The following SMAP1 variants were observed in gnomAD, a reference collection of about 807,000 sequenced individuals.
SMAP1 encodes small ArfGAP 1.
In SMAP1, 24 loss-of-function variants were observed where a neutral mutation model predicts 58.5. The observed-to-expected ratio is 0.41, with a 90% CI of 0.30 to 0.58. The LOEUF (loss-of-function observed/expected upper bound fraction) is 0.58, where lower values mean the gene tolerates loss of function less well. Ranked by LOEUF, SMAP1 falls within the 20% of genes least tolerant of loss-of-function variation. The pLI, the probability that SMAP1 is intolerant of heterozygous loss-of-function variation, is 0.29. For synonymous variants in SMAP1, 216 were observed against 196.6 expected, an observed-to-expected ratio of 1.10 and a Z score of -0.82; for missense variants, 563 against 566.3, an observed-to-expected ratio of 0.99 and a Z score of 0.06.
At chr6:70,692,692 T>C (rs1444380792) in intron 1 of SMAP1, among the ~76,000 whole-genome samples, 1 of 152,234 alleles carries the variant, frequency 6.6e-6, no homozygotes, top group Admixed American at 6.5e-5. Context: ...ACCCAATGTA[T>C]GTTCTGGGCC....
intron 3 of SMAP1, among the ~76,000 whole-genome samples, chr6:70,764,190 A>G (rs1242251585): frequency 1.3e-5 from 2 of 152,020 alleles, no homozygotes; most frequent in African/African-American, 4.8e-5. Context: ...AGAATTACAC[A>G]TATGAGCCAC....
intron 4 of SMAP1, among the ~76,000 whole-genome samples, chr6:70,788,438 C>G (rs1383040812): frequency 6.6e-6 from 1 of 151,706 alleles, no homozygotes; most frequent in African/African-American, 2.4e-5. Context: ...TACCCTACAA[C>G]TTAAAGTGTA....
chr6:70,719,924 A>T (rs1308759625), intron 1 of SMAP1, among the ~76,000 whole-genome samples: 1 of 152,100 alleles, frequency 6.6e-6, no homozygotes, highest in Admixed American at 6.6e-5. Flanking sequence ...ATGCAGCCAA[A>T]CCATATCATT....
At chr6:70,738,636 C>G (rs1255719795) in intron 2 of SMAP1, among the ~76,000 whole-genome samples, 1 of 152,080 alleles carries the variant, frequency 6.6e-6, no homozygotes, top group Non-Finnish European at 1.5e-5. Context: ...TTATGGAAGG[C>G]AAAATCAGGG....
At chr6:70,704,585 A>G (rs549738296) in intron 1 of SMAP1, among the ~76,000 whole-genome samples, 2 of 152,334 alleles carry the variant, frequency 1.3e-5, no homozygotes, top group East Asian at 3.9e-4. Context: ...GCTGTTGTCA[A>G]ACTGGTACAG....
At chr6:70,802,584 G>A (rs548978529) in intron 6 of SMAP1, among the ~76,000 whole-genome samples, 3 of 152,046 alleles carry the variant, frequency 2.0e-5, no homozygotes, top group Non-Finnish European at 4.4e-5. Context: ...GTCTTGTTCC[G>A]GTTTTCAAAG....
At chr6:70,823,961 T>C (rs1056100991) in intron 6 of SMAP1, among the ~76,000 whole-genome samples, 1 of 151,830 alleles carries the variant, frequency 6.6e-6, no homozygotes, top group Non-Finnish European at 1.5e-5. Context: ...GGCCACCCTA[T>C]GACCTGGATC....
intron 3 of SMAP1, among the ~76,000 whole-genome samples, chr6:70,756,214 G>C (rs1296564716): frequency 6.6e-6 from 1 of 151,986 alleles, no homozygotes; most frequent in Non-Finnish European, 1.5e-5. Context: ...TTGTGACTTT[G>C]ACAATAAAAT....
At chr6:70,725,509 G>A (rs1768741635) in intron 1 of SMAP1, among the ~76,000 whole-genome samples, 1 of 152,050 alleles carries the variant, frequency 6.6e-6, no homozygotes, top group African/African-American at 2.4e-5. Flanking sequence ...CAGTGCTCTT[G>A]CGTAAAGAAC....
chr6:70,706,106 A>T (rs1030784323), intron 1 of SMAP1, among the ~76,000 whole-genome samples: 1 of 152,196 alleles, frequency 6.6e-6, no homozygotes, highest in Non-Finnish European at 1.5e-5. Context: ...AAACACCGAA[A>T]GGGAAAGAGA....
chr6:70,708,114 C>T (rs1478762184), intron 1 of SMAP1, among the ~76,000 whole-genome samples: 1 of 152,190 alleles, frequency 6.6e-6, no homozygotes, highest in Non-Finnish European at 1.5e-5. Context: ...TGACCTCCCT[C>T]TTCCTGTTTC....
chr6:70,680,458 TTAATAA>T (rs1766653286), intron 1 of SMAP1, among the ~76,000 whole-genome samples: 1 of 152,154 alleles, frequency 6.6e-6, no homozygotes, highest in African/African-American at 2.4e-5. Flanking sequence ...ATAATGCAAC[TTAATAA>T]TAAGACAAAG....
At chr6:70,772,307 T>A (rs1428230180) in intron 3 of SMAP1, among the ~76,000 whole-genome samples, 3 of 152,216 alleles carry the variant, frequency 2.0e-5, no homozygotes, top group Admixed American at 1.3e-4. Context: ...AAAGGCTTTT[T>A]AAAAAATTTT....
chr6:70,771,260 A>T (rs992586587), intron 3 of SMAP1, among the ~76,000 whole-genome samples: 4 of 152,180 alleles, frequency 2.6e-5, no homozygotes, highest in Non-Finnish European at 5.9e-5. Context: ...GTGTGCTGGG[A>T]GCACCACTGT....
intron 6 of SMAP1, among the ~76,000 whole-genome samples, chr6:70,814,116 C>G (rs888839729): frequency 6.6e-6 from 1 of 152,130 alleles, no homozygotes; most frequent in Admixed American, 6.6e-5. Flanking sequence ...AGTTTCTAGT[C>G]TCCCTGGTTT....
At position 70,703,305 on chromosome 6, in the gene SMAP1, C is replaced by T. The variant is rs1290173004; in HGVS notation, c.119-29073C>T. 2.0e-5 allele frequency among the ~76,000 whole-genome samples: 3 copies of T among 152,210 alleles called. No homozygotes were observed. In the South Asian group the frequency reaches 6.2e-4, roughly 32 times the overall value. ...TTGGCCAGGTTGGTCTTGAACTGATCTCAAGTGATCCGCCCACCTCGGCCT... is the reference window on the plus strand; with the variant it reads ...TTGGCCAGGTTGGTCTTGAACTGATTTCAAGTGATCCGCCCACCTCGGCCT... On this transcript the variant is annotated intron_variant, in intron 1 of 10. Coordinates refer to ENST00000370455, the MANE Select transcript of SMAP1 (RefSeq NM_001044305.3).
chr6:70,832,662 C>G (rs1266560639), intron 6 of SMAP1, among the ~76,000 whole-genome samples: 4 of 152,114 alleles, frequency 2.6e-5, no homozygotes, highest in African/African-American at 9.7e-5. Flanking sequence ...CTGGTGAGGT[C>G]CCTCATGCTG....
chr6:70,691,529 T>C (rs994425192), intron 1 of SMAP1, among the ~76,000 whole-genome samples: 1 of 152,208 alleles, frequency 6.6e-6, no homozygotes, highest in Non-Finnish European at 1.5e-5. Flanking sequence ...TGTTGTGTTA[T>C]CAAATACTAG....
intron 4 of SMAP1, among the ~76,000 whole-genome samples, chr6:70,784,045 C>G (rs1767888006): frequency 1.3e-5 from 2 of 152,052 alleles, no homozygotes; most frequent in Admixed American, 6.6e-5. Flanking sequence ...TTAAGGGCAG[C>G]CAGAGAGAAA....
Sources: gnomAD v4.1 joint callset for allele counts (sites outside exome capture counted in the v4.1 genomes callset) on GRCh38, gnomAD v4.1.1 for gene constraint, MANE v1.5 for transcripts, NCBI Gene and HGNC (gene_info 2026-07-23, HGNC 2026-07-21) for gene names.